TENM1: variants seen among roughly 807,000 people sequenced by gnomAD.
TENM1 encodes the protein teneurin-1.
In TENM1, 35 loss-of-function variants were observed where a neutral mutation model predicts 174.8. The observed-to-expected ratio is 0.20, with a 90% CI of 0.15 to 0.27. The LOEUF (loss-of-function observed/expected upper bound fraction) is 0.27. Ranked by LOEUF, TENM1 falls within the 10% of genes least tolerant of loss-of-function variation. The pLI is 1.00. For synonymous variants in TENM1, 781 were observed against 798.7 expected (o/e 0.98, Z 0.37); for missense variants, 1,633 against 2,130.1 (o/e 0.77, Z 4.59).
chrX:124,420,276 C>T, intron 25 of TENM1, 35 bp downstream of exon 28: 1 of 1,162,580 alleles, frequency 8.6e-7, no homozygotes, highest in African/African-American at 1.8e-5. Context: ...CAAATAAAAA[C>T]CTAACAAAGC....
At chrX:124,649,441 A>T (rs939651181) in intron 8 of TENM1, among the ~76,000 whole-genome samples, 1 of 112,551 alleles carries the variant, frequency 8.9e-6, no homozygotes, top group Non-Finnish European at 1.9e-5. Context: ...TTGCCAAATT[A>T]TTTAATCTTT....
intron 21 of TENM1, among the ~76,000 whole-genome samples, chrX:124,485,069 C>T (rs942404523): frequency 9.0e-6 from 1 of 111,179 alleles, no homozygotes; most frequent in Admixed American, 9.6e-5. Flanking sequence ...AATCAAGATA[C>T]CTTTAAGGAC....
At chrX:124,960,799 T>A (rs1315517427) in intron 1 of TENM1, among the ~76,000 whole-genome samples, 1 of 112,006 alleles carries the variant, frequency 8.9e-6, no homozygotes, top group Non-Finnish European at 1.9e-5. Context: ...AAGACAAACT[T>A]ACAGATAAGT....
chrX:124,726,605 G>A (rs190895717), intron 4 of TENM1, among the ~76,000 whole-genome samples: 8 of 111,588 alleles, frequency 7.2e-5, no homozygotes, highest in East Asian at 2.8e-4. Flanking sequence ...GCTAACCTCC[G>A]TGCTGTTAAA....
chrX:124,422,414 G>C (rs754649132), exon 24 of TENM1: 2 of 1,211,544 alleles, frequency 1.7e-6, no homozygotes, highest in South Asian at 3.5e-5. Flanking sequence ...AGAGCAGCCC[G>C]CTGTGGGAGA....
the TENM1 span, among the ~76,000 whole-genome samples, chrX:125,156,921 C>T: frequency 8.9e-6 from 1 of 112,590 alleles, no homozygotes; most frequent in Admixed American, 9.4e-5. Flanking sequence ...GAGATGGTAA[C>T]TTTGCATGAA....
chrX:124,384,263 C>A, exon 30 of TENM1: 1 of 1,207,568 alleles, frequency 8.3e-7, no homozygotes, highest in Non-Finnish European at 1.1e-6. Flanking sequence ...CCTCAGAAAG[C>A]CATCTTCATC....
intron 5 of TENM1, among the ~76,000 whole-genome samples, chrX:124,684,085 T>C (rs947197830): frequency 2.7e-5 from 3 of 111,973 alleles, no homozygotes; most frequent in African/African-American, 9.7e-5. Flanking sequence ...AAGACATCAA[T>C]AGGCAATTCA....
At chrX:124,531,894 C>T (rs1181980166) in intron 15 of TENM1, among the ~76,000 whole-genome samples, 2 of 112,095 alleles carry the variant, frequency 1.8e-5, no homozygotes, top group African/African-American at 6.5e-5. Flanking sequence ...ATACAGTAAC[C>T]TTTTAGATGT....
chrX:124,476,306 C>G lies in TENM1; in HGVS notation c.3949+5426G>C, dbSNP rs189368616. Among the ~76,000 whole-genome samples the G allele has an allele frequency of 3.6e-5, 4 of 112,105 alleles. No individual in the cohort carries two copies. The East Asian group carries it at 1.1e-3, about 32-fold the overall frequency. On this transcript the variant is annotated intron_variant, in intron 22 of 31. Transcript: ENST00000422452. Reference sequence around the variant, plus strand: ...GGCTTCAGGATGTACTTCAGCTAGACCTGGATAGGGACAAAAACAGATTGT... The same window carrying G: ...GGCTTCAGGATGTACTTCAGCTAGAGCTGGATAGGGACAAAAACAGATTGT...
intron 3 of TENM1, among the ~76,000 whole-genome samples, chrX:124,798,961 C>T (rs948811070): frequency 1.8e-5 from 2 of 111,366 alleles, no homozygotes; most frequent in African/African-American, 6.5e-5. Flanking sequence ...TACCCCATTG[C>T]TTTTTCTTTT....
Position 124,503,898 on chromosome X carries a change from G to T in TENM1, c.3302-195C>A, listed in dbSNP as rs2051578. Among the ~76,000 whole-genome samples, 39,600 of 110,771 alleles carry T rather than the reference G, an allele frequency of 0.36. 6,845 individuals are homozygous for T. Among genetic ancestry groups the T allele is most frequent in the African/African-American group, 0.68 (20,824 of 30,404 alleles). On this transcript the variant is annotated intron_variant, in intron 18 of 31. Transcript: ENST00000422452. The stretch of plus-strand genomic sequence containing the variant: ...GCATTGGTCACTCAAAAGTGATCAG[G>T]GCATATCGGATAAATATATGAAGGA...
chrX:125,133,264 C>T, the TENM1 span, among the ~76,000 whole-genome samples: 551 of 111,631 alleles, frequency 4.9e-3, 4 homozygotes, highest in Non-Finnish European at 8.1e-3. Flanking sequence ...AAAGGGAGGG[C>T]CTTTAGGGAT....
chrX:124,617,477 C>T (rs897461118), intron 11 of TENM1, among the ~76,000 whole-genome samples: 6 of 111,752 alleles, frequency 5.4e-5, no homozygotes, highest in Admixed American at 3.8e-4. Flanking sequence ...ATATTTCTGA[C>T]CCTCCTGCCA....
intron 11 of TENM1, among the ~76,000 whole-genome samples, chrX:124,609,205 G>A (rs759532051): frequency 1.8e-5 from 2 of 111,485 alleles, no homozygotes; most frequent in Non-Finnish European, 3.8e-5. Context: ...GATCGTACAA[G>A]TTGGCAGATC....
intron 14 of TENM1, among the ~76,000 whole-genome samples, chrX:124,555,048 A>G (rs5958522): frequency 0.036 from 4,019 of 111,981 alleles, 79 homozygotes; most frequent in African/African-American, 0.066. Context: ...TTTCCACAAT[A>G]TCAGAGACCA....
At chrX:124,415,331 C>T (rs765775383) in intron 25 of TENM1, among the ~76,000 whole-genome samples, 1 of 111,898 alleles carries the variant, frequency 8.9e-6, no homozygotes, top group Non-Finnish European at 1.9e-5. Context: ...CTTCTCCTTT[C>T]AACAGATGCT....
At chrX:124,428,317 A>G (rs2060741453) in intron 23 of TENM1, among the ~76,000 whole-genome samples, 1 of 112,187 alleles carries the variant, frequency 8.9e-6, no homozygotes, top group Admixed American at 9.5e-5. Flanking sequence ...TGGTTTAGAG[A>G]TCCAGCTAAT....
chrX:125,046,989 T>A, the TENM1 span, among the ~76,000 whole-genome samples: 3 of 110,100 alleles, frequency 2.7e-5, no homozygotes, highest in South Asian at 3.9e-4. Context: ...GGTATACACA[T>A]CTGAATATTC....
Sources: gnomAD v4.1 joint callset for allele counts (sites outside exome capture counted in the v4.1 genomes callset) on GRCh38, gnomAD v4.1.1 for gene constraint, MANE v1.5 for transcripts, NCBI Gene and HGNC (gene_info 2026-07-23, HGNC 2026-07-21) for gene names.